SPRR2B: variants seen among roughly 807,000 people sequenced by gnomAD.
SPRR2B encodes small proline-rich protein 2B.
A neutral mutation model predicts 1.0 loss-of-function variants in SPRR2B; 1 was observed. The observed-to-expected ratio is 1.01, with a 90% CI of 0.36 to 4.77. The LOEUF is 4.77. SPRR2B is among the 30% of genes most tolerant of loss of function. The probability of loss-of-function intolerance (pLI) is 0.16; values close to 1 mark genes in which losing one functional copy is unlikely to be tolerated. For synonymous variants in SPRR2B, 27 were observed against 33.4 expected, an observed-to-expected ratio of 0.81 and a Z score of 0.66; for missense variants, 53 against 88.7, an observed-to-expected ratio of 0.60 and a Z score of 1.62.
At chr1:153,075,161 T>G (rs1654748782), upstream of SPRR2B, among the ~76,000 whole-genome samples, 1 of 152,064 alleles carries the variant, frequency 6.6e-6, no homozygotes, top group African/African-American at 2.4e-5. Context: ...CTGGCCAAGA[T>G]GGTGAAACCC....
the SPRR2B span, among the ~76,000 whole-genome samples, chr1:153,083,857 C>T: frequency 6.6e-6 from 1 of 152,186 alleles, no homozygotes; most frequent in African/African-American, 2.4e-5. Flanking sequence ...AAGGGAGTGT[C>T]TGTAATGGAG....
rs1282040920 is a variant in SPRR2B at position 153,070,500 on chromosome 1, A to G, written c.*121T>C. ...AACATCATGGGCAGATCACAGGCTA[A>G]GGGGAAAGAAGCTCCCTATGAATCC... On this transcript the variant is annotated 3_prime_UTR_variant, in exon 2 of 2. Transcript: ENST00000368755. The G allele has an allele frequency of 5.3e-6, 8 of 1,506,306 alleles. No individual in the cohort carries two copies. Among genetic ancestry groups the G allele is most frequent in the African/African-American group, 1.4e-5 (1 of 71,772 alleles). The allele number at this position is 1,506,306 out of a possible 1,614,324, so 93.3% of individuals were successfully genotyped here.
chr1:153,085,452 T>A, the SPRR2B span, among the ~76,000 whole-genome samples: 15 of 151,968 alleles, frequency 9.9e-5, no homozygotes, highest in African/African-American at 3.6e-4. Flanking sequence ...GTTCAAACAC[T>A]GAAATAAGAC....
the SPRR2B span, among the ~76,000 whole-genome samples, chr1:153,080,082 G>T: frequency 6.6e-6 from 1 of 151,708 alleles, no homozygotes; most frequent in African/African-American, 2.4e-5. Flanking sequence ...GTCCTTCAAA[G>T]ATGTGTGTAT....
At chr1:153,072,317 T>G (rs1233101327), upstream of SPRR2B, among the ~76,000 whole-genome samples, 1 of 152,200 alleles carries the variant, frequency 6.6e-6, no homozygotes, top group Non-Finnish European at 1.5e-5. Flanking sequence ...CCCAGTATGT[T>G]TGCTACTGCT....
chr1:153,084,690 T>C, the SPRR2B span, among the ~76,000 whole-genome samples: 3 of 152,090 alleles, frequency 2.0e-5, no homozygotes, highest in Non-Finnish European at 1.5e-5. Context: ...GTATGCACCC[T>C]GCCATGCTGC....
upstream of SPRR2B, among the ~76,000 whole-genome samples, chr1:153,072,981 CAAGG>C (rs1557910584): frequency 6.6e-6 from 1 of 152,120 alleles, no homozygotes; most frequent in East Asian, 1.9e-4. Context: ...AGAAGAAGGA[CAAGG>C]AAGATAAGAA....
chr1:153,086,434 C>G, the SPRR2B span, among the ~76,000 whole-genome samples: 1 of 152,096 alleles, frequency 6.6e-6, no homozygotes, highest in East Asian at 1.9e-4. Flanking sequence ...AGACCAAAAA[C>G]AGCATTACAT....
At chr1:153,073,631 G>C (rs2101612305), upstream of SPRR2B, among the ~76,000 whole-genome samples, 1 of 151,778 alleles carries the variant, frequency 6.6e-6, no homozygotes, top group South Asian at 2.1e-4. Context: ...AAGAGGAGCA[G>C]CTAACAGTCA....
chr1:153,078,578 T>G, the SPRR2B span, among the ~76,000 whole-genome samples: 24,635 of 151,428 alleles, frequency 0.16, 3,430 homozygotes, highest in East Asian at 0.48. Context: ...GTGTTCTCAT[T>G]GTTCAATTCC....
chr1:153,072,113 T>C (rs2101611350), upstream of SPRR2B, among the ~76,000 whole-genome samples: 1 of 152,336 alleles, frequency 6.6e-6, no homozygotes, highest in Middle Eastern at 3.4e-3. Flanking sequence ...TATCTACCTC[T>C]GGTTTTGAAG....
At chr1:153,082,846 T>A in the SPRR2B span, among the ~76,000 whole-genome samples, 1 of 151,558 alleles carries the variant, frequency 6.6e-6, no homozygotes, top group South Asian at 2.1e-4. Flanking sequence ...AAAGAAAACA[T>A]GAGCCTAGCA....
At chr1:153,072,290 G>C (rs1016362462), upstream of SPRR2B, among the ~76,000 whole-genome samples, 1 of 152,198 alleles carries the variant, frequency 6.6e-6, no homozygotes, top group Non-Finnish European at 1.5e-5. Context: ...ACAGACACCA[G>C]AGTGAGATCC....
At chr1:153,081,390 G>A in the SPRR2B span, among the ~76,000 whole-genome samples, 2 of 152,212 alleles carry the variant, frequency 1.3e-5, no homozygotes, top group African/African-American at 2.4e-5. Context: ...GAGGTAGTGG[G>A]ATGACATACT....
chr1:153,073,554 T>G (rs1654715120), upstream of SPRR2B, among the ~76,000 whole-genome samples: 1 of 151,958 alleles, frequency 6.6e-6, no homozygotes, highest in Non-Finnish European at 1.5e-5. Context: ...ACTTTACGAG[T>G]TGAGATGGTG....
rs1654666948 is a variant in SPRR2B at position 153,071,566 on chromosome 1, A to C, written c.-20+3T>G. Among the ~76,000 whole-genome samples the C allele has an allele frequency of 6.6e-6, 1 of 152,202 alleles. No homozygotes were observed. Among genetic ancestry groups the C allele is most frequent in the Admixed American group, 6.5e-5 (1 of 15,282 alleles). On this transcript the variant is annotated splice_donor_region_variant and intron_variant, in intron 1 of 1. Transcript: ENST00000368755. Reference sequence around the variant, plus strand: ...AGAACAGAACTCAAGGAAGCAGACTAACCAGTTTCTCCAAAGCAGATCGGT... The same window carrying C: ...AGAACAGAACTCAAGGAAGCAGACTCACCAGTTTCTCCAAAGCAGATCGGT...
chr1:153,082,200 A>G, the SPRR2B span, among the ~76,000 whole-genome samples: 1 of 152,246 alleles, frequency 6.6e-6, no homozygotes, highest in Non-Finnish European at 1.5e-5. Flanking sequence ...TAGCTTTACT[A>G]CAGAAAATTA....
At chr1:153,084,512 C>T in the SPRR2B span, among the ~76,000 whole-genome samples, 1 of 152,144 alleles carries the variant, frequency 6.6e-6, no homozygotes, top group Non-Finnish European at 1.5e-5. Flanking sequence ...CACACCTGCA[C>T]CCATCAGCAC....
chr1:153,076,654 G>A, the SPRR2B span, among the ~76,000 whole-genome samples: 1 of 152,094 alleles, frequency 6.6e-6, no homozygotes, highest in Non-Finnish European at 1.5e-5. Context: ...AATCTTAAAA[G>A]ATAAACATAA....
Sources: gnomAD v4.1 joint callset for allele counts (sites outside exome capture counted in the v4.1 genomes callset) on GRCh38, gnomAD v4.1.1 for gene constraint, MANE v1.5 for transcripts, NCBI Gene and HGNC (gene_info 2026-07-23, HGNC 2026-07-21) for gene names.